AUTS2: variants seen among roughly 807,000 people sequenced by gnomAD.
AUTS2 encodes autism susceptibility gene 2 protein.
In AUTS2, 17 loss-of-function variants were observed where a neutral mutation model predicts 112.4. That is an observed-to-expected ratio of 0.15 (90% CI 0.10 to 0.23). The LOEUF (loss-of-function observed/expected upper bound fraction) is 0.23. Ranked by LOEUF, AUTS2 falls within the 10% of genes least tolerant of loss-of-function variation. AUTS2 has a pLI of 1.00. For synonymous variants in AUTS2, 751 were observed against 702.7 expected, an observed-to-expected ratio of 1.07 and a Z score of -1.09; for missense variants, 1,510 against 1,701.6, an observed-to-expected ratio of 0.89 and a Z score of 1.98.
chr7:69,598,639 G>A lies in AUTS2; in HGVS notation c.-1015G>A. ...CAGGCGGGGCGGCGAGAGAAGCGGCGGCGGCGGCGGCGGCACACCGGTGTC... is the reference window on the plus strand; with the variant it reads ...CAGGCGGGGCGGCGAGAGAAGCGGCAGCGGCGGCGGCGGCACACCGGTGTC... On this transcript the variant is annotated 5_prime_UTR_variant, in exon 1 of 19. Transcript: ENST00000342771. 5.8e-6 allele frequency: 1 copy of A among 173,288 alleles called. No homozygotes were observed. The highest frequency in any genetic ancestry group is 1.2e-5 in the Non-Finnish European group (1 of 81,884). 10.7% of individuals were successfully genotyped at this position (173,288 alleles called of 1,614,324 possible).
At chr7:69,654,464 C>T (rs1795430644) in intron 1 of AUTS2, among the ~76,000 whole-genome samples, 1 of 152,176 alleles carries the variant, frequency 6.6e-6, no homozygotes, top group African/African-American at 2.4e-5. Flanking sequence ...AAACACTTCA[C>T]ACAGATTATC....
intron 14 of AUTS2, among the ~76,000 whole-genome samples, chr7:70,777,965 C>T (rs774818128): frequency 3.9e-5 from 6 of 152,228 alleles, no homozygotes; most frequent in South Asian, 2.1e-4. Context: ...AAGATGATGC[C>T]GCTGAACTGT....
At chr7:70,132,126 T>TC (rs1214081157) in intron 3 of AUTS2, among the ~76,000 whole-genome samples, 1 of 138,528 alleles carries the variant, frequency 7.2e-6, no homozygotes, top group Non-Finnish European at 1.5e-5. Flanking sequence ...TTTCTGCTGA[T>TC]CCTGAAATCA....
chr7:69,727,249 A>C (rs895705505), intron 1 of AUTS2, among the ~76,000 whole-genome samples: 15 of 152,142 alleles, frequency 9.9e-5, no homozygotes, highest in African/African-American at 3.6e-4. Context: ...CTATTTGTTG[A>C]AAGACCTTAC....
At chr7:69,783,023 G>A (rs1353411093) in intron 1 of AUTS2, among the ~76,000 whole-genome samples, 1 of 151,488 alleles carries the variant, frequency 6.6e-6, no homozygotes, top group Non-Finnish European at 1.5e-5. Flanking sequence ...TGTCCCCTGG[G>A]CATGCCCAGC....
intron 1 of AUTS2, among the ~76,000 whole-genome samples, chr7:69,793,186 T>TG (rs1789694760): frequency 6.6e-6 from 1 of 152,162 alleles, no homozygotes; most frequent in South Asian, 2.1e-4. Flanking sequence ...AGGGAAGAGG[T>TG]GGCCTGCCTC....
chr7:70,379,698 G>T (rs936126227), intron 4 of AUTS2, among the ~76,000 whole-genome samples: 1 of 152,082 alleles, frequency 6.6e-6, no homozygotes, highest in African/African-American at 2.4e-5. Flanking sequence ...TCAAATACAG[G>T]CTAGAAAATC....
At chr7:69,964,503 G>A (rs1376504072) in intron 2 of AUTS2, among the ~76,000 whole-genome samples, 1 of 152,080 alleles carries the variant, frequency 6.6e-6, no homozygotes, top group East Asian at 1.9e-4. Context: ...AATTTAGTAC[G>A]TTATCAATGG....
At chr7:70,481,781 G>A (rs896721622) in intron 5 of AUTS2, among the ~76,000 whole-genome samples, 2 of 152,194 alleles carry the variant, frequency 1.3e-5, no homozygotes, top group Non-Finnish European at 2.9e-5. Flanking sequence ...GTTAGATGAG[G>A]TTAAAGACTG....
At chr7:70,464,823 GA>G (rs1797109685) in intron 5 of AUTS2, among the ~76,000 whole-genome samples, 2 of 152,192 alleles carry the variant, frequency 1.3e-5, no homozygotes, top group African/African-American at 4.8e-5. Flanking sequence ...ACCAGGATGA[GA>G]AATTTTCATG....
intron 1 of AUTS2, among the ~76,000 whole-genome samples, chr7:69,680,940 G>T (rs1796764269): frequency 6.6e-6 from 1 of 152,174 alleles, no homozygotes; most frequent in Admixed American, 6.5e-5. Flanking sequence ...AAAGTGCTGG[G>T]ATTACAGGCA....
chr7:69,894,389 G>A (rs1419077571), intron 1 of AUTS2, among the ~76,000 whole-genome samples: 1 of 151,342 alleles, frequency 6.6e-6, no homozygotes, highest in Non-Finnish European at 1.5e-5. Flanking sequence ...CTGAGGCTGA[G>A]TATTAAATTG....
chr7:70,719,934 G>C (rs1411815448), intron 6 of AUTS2, among the ~76,000 whole-genome samples: 1 of 152,192 alleles, frequency 6.6e-6, no homozygotes, highest in Non-Finnish European at 1.5e-5. Context: ...TTAACTTAGT[G>C]ACCAGATATT....
intron 5 of AUTS2, among the ~76,000 whole-genome samples, chr7:70,444,343 C>CGTGTGTGTGTGTGTGTGTGTGT (rs370735846): frequency 3.6e-5 from 5 of 138,690 alleles, no homozygotes; most frequent in Admixed American, 7.2e-5. Context: ...TGGTCATGTA[C>CGTGTGTGTGTGTGTGTGTGTGT]GTGTGTGTGT....
chr7:70,548,775 A>G (rs1263185992), intron 5 of AUTS2, among the ~76,000 whole-genome samples: 1 of 152,158 alleles, frequency 6.6e-6, no homozygotes, highest in Non-Finnish European at 1.5e-5. Context: ...TCCTTATGTC[A>G]GTACCAGGCT....
chr7:69,833,059 G>T (rs1222050518), intron 1 of AUTS2, among the ~76,000 whole-genome samples: 2 of 152,090 alleles, frequency 1.3e-5, no homozygotes, highest in African/African-American at 4.8e-5. Flanking sequence ...TTCTTCGTAG[G>T]TATATCTCAA....
chr7:70,730,809 C>T (rs1787341415), intron 6 of AUTS2, among the ~76,000 whole-genome samples: 1 of 152,150 alleles, frequency 6.6e-6, no homozygotes, highest in Non-Finnish European at 1.5e-5. Context: ...CTATGGTTAG[C>T]CTTTTGAGGA....
chr7:70,591,093 C>G (rs1802919807), intron 5 of AUTS2, among the ~76,000 whole-genome samples: 1 of 152,106 alleles, frequency 6.6e-6, no homozygotes, highest in Admixed American at 6.5e-5. Context: ...TCCTGGCCTG[C>G]CTTTGTGTGT....
chr7:70,563,571 C>T (rs1237628986), intron 5 of AUTS2, among the ~76,000 whole-genome samples: 1 of 152,118 alleles, frequency 6.6e-6, no homozygotes, highest in Admixed American at 6.5e-5. Context: ...CCTCATGCAC[C>T]CTTGAGGTGA....
Sources: gnomAD v4.1 joint callset for allele counts (sites outside exome capture counted in the v4.1 genomes callset) on GRCh38, gnomAD v4.1.1 for gene constraint, MANE v1.5 for transcripts, NCBI Gene and HGNC (gene_info 2026-07-23, HGNC 2026-07-21) for gene names.